Variants in GLMN observed in about 807,000 individuals in gnomAD.
GLMN encodes the protein glomulin.
Under a neutral mutation model 87.8 loss-of-function variants are expected in GLMN, and 75 were observed. The observed-to-expected ratio is 0.85, with a 90% CI of 0.71 to 1.04. GLMN has a LOEUF of 1.04. GLMN is among the 50% of genes least tolerant of loss of function. GLMN has a pLI of 0.00. For synonymous variants in GLMN, 206 were observed against 221.6 expected (o/e 0.93, Z 0.63); for missense variants, 588 against 658.8 (o/e 0.89, Z 1.18).
At chr1:92,321,256 C>T in the GLMN span, among the ~76,000 whole-genome samples, 1 of 152,094 alleles carries the variant, frequency 6.6e-6, no homozygotes, top group Non-Finnish European at 1.5e-5. Flanking sequence ...ACATAATTGC[C>T]TTAAAACTCC....
At chr1:92,348,645 C>A in the GLMN span, among the ~76,000 whole-genome samples, 9 of 152,290 alleles carry the variant, frequency 5.9e-5, no homozygotes, top group South Asian at 6.2e-4. Flanking sequence ...TCTGCCCCCA[C>A]TGGAAATCTG....
the GLMN span, among the ~76,000 whole-genome samples, chr1:92,351,010 T>C: frequency 6.6e-6 from 1 of 151,958 alleles, no homozygotes; most frequent in Non-Finnish European, 1.5e-5. Flanking sequence ...ATTTATATAT[T>C]TTGAAGTTAG....
At chr1:92,309,992 G>C in the GLMN span, among the ~76,000 whole-genome samples, 2 of 152,086 alleles carry the variant, frequency 1.3e-5, no homozygotes, top group Admixed American at 6.5e-5. Flanking sequence ...GAGCTAAAAG[G>C]GTCCTTAGAG....
chr1:92,286,695 C>T (rs1190171116), intron 6 of GLMN, 103 bp from the exon 7 acceptor site: 1 of 716,826 alleles, frequency 1.4e-6, no homozygotes, highest in African/African-American at 1.7e-5. Flanking sequence ...AACATAAGCA[C>T]TGCTATGGTT....
the GLMN span, among the ~76,000 whole-genome samples, chr1:92,331,536 C>A: frequency 0.014 from 2,117 of 152,210 alleles, 49 homozygotes; most frequent in African/African-American, 0.047. Flanking sequence ...AAACCTGAAT[C>A]TTTGTCTTAT....
the GLMN span, among the ~76,000 whole-genome samples, chr1:92,327,310 G>A: frequency 2.0e-5 from 3 of 152,030 alleles, no homozygotes; most frequent in East Asian, 1.9e-4. Context: ...CCTAGGTCTC[G>A]TAGTAACTGT....
intron 3 of GLMN, among the ~76,000 whole-genome samples, chr1:92,293,343 T>C (rs915845260): frequency 6.6e-6 from 1 of 152,094 alleles, no homozygotes; most frequent in Non-Finnish European, 1.5e-5. Context: ...GAAACCCTCA[T>C]ATATTGTCGC....
chr1:92,338,690 G>A, the GLMN span, among the ~76,000 whole-genome samples: 1 of 145,818 alleles, frequency 6.9e-6, no homozygotes, highest in East Asian at 2.0e-4. Context: ...TTGCTCAGTT[G>A]CCCAGGCTGG....
At chr1:92,287,759 C>T (rs1043174724) in intron 6 of GLMN, among the ~76,000 whole-genome samples, 14 of 151,428 alleles carry the variant, frequency 9.2e-5, no homozygotes, top group African/African-American at 3.2e-4. Flanking sequence ...GCTATGTTGC[C>T]CAGGCTGGTC....
rs111274742 is a variant in GLMN at position 92,297,595 on chromosome 1, C to T, written c.40-66G>A. On this transcript the variant is annotated intron_variant, in intron 2 of 18. Coordinates refer to ENST00000370360, the MANE Select transcript of GLMN (RefSeq NM_053274.3). Reference sequence around the variant, plus strand: ...AGTATATGCAAATAAAAATTAAATACAATAACTTCTTGATTTATCTATGAA... The same window carrying T: ...AGTATATGCAAATAAAAATTAAATATAATAACTTCTTGATTTATCTATGAA... The T allele has an allele frequency of 2.2e-4, 287 of 1,285,274 alleles. No individual in the cohort carries two copies. The African/African-American group carries it at 3.9e-3, about 17-fold the overall frequency. The allele number at this position is 1,285,274 out of a possible 1,614,324, so 79.6% of individuals were successfully genotyped here.
the GLMN span, chr1:92,304,101 A>G: frequency 2.2e-5 from 32 of 1,483,826 alleles, no homozygotes; most frequent in Non-Finnish European, 2.9e-5. Flanking sequence ...TTTTTAAAAT[A>G]TAGGCTTTTA....
chr1:92,260,507 C>T (rs915232040), intron 16 of GLMN, among the ~76,000 whole-genome samples: 34 of 151,702 alleles, frequency 2.2e-4, no homozygotes, highest in Admixed American at 2.0e-3. Context: ...CCCAGCTACT[C>T]GGGAGACTGA....
intron 16 of GLMN, among the ~76,000 whole-genome samples, chr1:92,258,510 C>CCAT (rs1654563405): frequency 6.6e-6 from 1 of 152,134 alleles, no homozygotes; most frequent in South Asian, 2.1e-4. Context: ...ACCCAAATGC[C>CCAT]CATCAATGAT....
At chr1:92,369,166 A>T in the GLMN span, among the ~76,000 whole-genome samples, 4 of 152,228 alleles carry the variant, frequency 2.6e-5, no homozygotes, top group Admixed American at 2.0e-4. Flanking sequence ...TTCTCTGCTG[A>T]TTATTTTAAT....
At chr1:92,299,908 G>A (rs1650682818), upstream of GLMN, among the ~76,000 whole-genome samples, 1 of 152,158 alleles carries the variant, frequency 6.6e-6, no homozygotes, top group Admixed American at 6.5e-5. Context: ...TGAGAAATAA[G>A]TTGTTAGTCG....
intron 7 of GLMN, among the ~76,000 whole-genome samples, chr1:92,276,528 G>A (rs1223969704): frequency 1.3e-5 from 2 of 152,016 alleles, no homozygotes; most frequent in East Asian, 3.9e-4. Context: ...CAGGTGGGAC[G>A]ATGTGTGCCT....
chr1:92,301,124 T>C, upstream of GLMN, among the ~76,000 whole-genome samples: 1 of 152,192 alleles, frequency 6.6e-6, no homozygotes, highest in South Asian at 2.1e-4. Context: ...GACTTATGTA[T>C]GTGCAGTGCA....
At chr1:92,353,879 T>A in the GLMN span, among the ~76,000 whole-genome samples, 2 of 152,158 alleles carry the variant, frequency 1.3e-5, no homozygotes, top group East Asian at 3.8e-4. Flanking sequence ...ATAATACTTG[T>A]TCAAAGTTTT....
intron 7 of GLMN, among the ~76,000 whole-genome samples, chr1:92,278,940 G>A (rs1006890555): frequency 6.6e-5 from 10 of 152,126 alleles, no homozygotes; most frequent in Non-Finnish European, 1.3e-4. Flanking sequence ...ATTGATACTA[G>A]TAACTATAAT....
Sources: allele counts gnomAD v4.1 joint callset (sites outside exome capture counted in the v4.1 genomes callset), GRCh38; gene constraint gnomAD v4.1.1; transcripts MANE v1.5; gene names NCBI Gene and HGNC (gene_info 2026-07-23, HGNC 2026-07-21).